Variants in ROBO1 observed in about 807,000 individuals in gnomAD.
The protein encoded by ROBO1 is roundabout guidance receptor 1.
Under a neutral mutation model 195.9 loss-of-function variants are expected in ROBO1, and 149 were observed. The ratio of observed to expected loss-of-function variants is 0.76; its 90% CI spans 0.67 to 0.87. The LOEUF (loss-of-function observed/expected upper bound fraction) is 0.87. Among genes scored for constraint, ROBO1 ranks in the 40% least tolerant of loss-of-function variants. The pLI is 0.00. For missense variants in ROBO1, 1,933 were observed against 2,068.3 expected, an observed-to-expected ratio of 0.93 and a Z score of 1.27; for synonymous variants, 816 against 733.2, an observed-to-expected ratio of 1.11 and a Z score of -1.82.
intron 8 of ROBO1, among the ~76,000 whole-genome samples, chr3:78,692,035 T>A (rs139889067): frequency 0.011 from 1,655 of 151,342 alleles, 34 homozygotes; most frequent in African/African-American, 0.037. Flanking sequence ...AATTATATAA[T>A]ATAGATTATA....
chr3:78,670,965 C>T (rs1468331506), intron 10 of ROBO1, among the ~76,000 whole-genome samples: 1 of 152,018 alleles, frequency 6.6e-6, no homozygotes, highest in Non-Finnish European at 1.5e-5. Context: ...TTTGGCTGAT[C>T]CAAAGAGACA....
intron 3 of ROBO1, among the ~76,000 whole-genome samples, chr3:79,112,770 C>T (rs748665041): frequency 4.5e-5 from 4 of 89,720 alleles, no homozygotes; most frequent in Admixed American, 3.7e-4. Context: ...TTGTGGGGTG[C>T]GGGGAGGGGG....
At chr3:78,810,945 A>G (rs902465426) in intron 4 of ROBO1, among the ~76,000 whole-genome samples, 10 of 152,208 alleles carry the variant, frequency 6.6e-5, no homozygotes. Context: ...AAGAAAAAGG[A>G]CAAAACTGGG....
chr3:79,550,195 G>GAAAGAAAGAAAGAAAGAAAGAAA, intron 2 of ROBO1, among the ~76,000 whole-genome samples: 18 of 100,836 alleles, frequency 1.8e-4, no homozygotes, highest in African/African-American at 7.0e-4. Flanking sequence ...AAGAAAGAAA[G>GAAAGAAAGAAAGAAAGAAAGAAA]GAAAAGAAAA....
rs576121237 is a variant in ROBO1 at position 79,722,725 on chromosome 3, A to G, written c.-51+45027T>C. Among the ~76,000 whole-genome samples the G allele has an allele frequency of 5.3e-5, 8 of 152,266 alleles. No individual in the cohort carries two copies. In the South Asian group the frequency reaches 1.2e-3, roughly 24 times the overall value. On this transcript the variant is annotated intron_variant, in intron 1 of 30. Transcript: ENST00000464233. ...GTGCAGCCTCCTATTCTTTACACTT[A>G]TTTAAAATTTGTATCTCCACTGTCA...
At chr3:79,644,920 TACAC>T (rs1945773768) in intron 1 of ROBO1, among the ~76,000 whole-genome samples, 1 of 151,992 alleles carries the variant, frequency 6.6e-6, no homozygotes, top group African/African-American at 2.4e-5. Flanking sequence ...TATAAGAAAT[TACAC>T]AAACACATGG....
At chr3:79,438,292 T>C (rs901291137) in intron 2 of ROBO1, among the ~76,000 whole-genome samples, 1 of 151,942 alleles carries the variant, frequency 6.6e-6, no homozygotes, top group African/African-American at 2.4e-5. Flanking sequence ...GGACTGTTGA[T>C]ACTGCCAACC....
intron 4 of ROBO1, among the ~76,000 whole-genome samples, chr3:78,808,201 T>A (rs1464980802): frequency 6.6e-6 from 1 of 152,118 alleles, no homozygotes; most frequent in Admixed American, 6.6e-5. Flanking sequence ...ATGAGAATTA[T>A]TTTATTTTAT....
rs1192529061 is a variant in ROBO1 at position 78,627,431 on chromosome 3, A to G, written c.3765T>C (p.Tyr1255=). 1.2e-6 allele frequency: 2 copies of G among 1,612,988 alleles called. No homozygotes were observed. Among genetic ancestry groups the G allele is most frequent in the Admixed American group, 1.7e-5 (1 of 59,898 alleles). The change falls in exon 26 of 31, where the codon TAT becomes TAC. Residue 1255 remains tyrosine (Y), a synonymous_variant. Transcript: ENST00000464233. ...TCAGAGTGGCAGTGGACTGATGGCT[A>G]TAGGACACGGCAGCTGGAGAAGAAG... The part of the protein sequence containing the change: ...GAASSPAAVS[Y]SHQSTATLTP...
At chr3:78,659,986 T>C in intron 16 of ROBO1, 179 bp from the exon 17 acceptor site, 1 of 370,140 alleles carries the variant, frequency 2.7e-6, no homozygotes, top group Non-Finnish European at 4.7e-6. Flanking sequence ...TGTGACATGA[T>C]CTCGGCTCAC....
chr3:78,643,690 T>C lies in ROBO1; in HGVS notation c.2882+2458A>G, dbSNP rs185044064. On this transcript the variant is annotated intron_variant, in intron 21 of 30. Coordinates refer to ENST00000464233, the MANE Select transcript of ROBO1 (RefSeq NM_002941.4). ...GATATTCTAAACATGATAGGTCCTA[T>C]TGATAATGGGATTTTCTGGAGCTCA... 2.0e-5 allele frequency among the ~76,000 whole-genome samples: 3 copies of C among 152,230 alleles called. No homozygotes were observed. In the East Asian group the frequency reaches 5.8e-4, roughly 29 times the overall value.
chr3:78,996,197 T>A (rs1404432260), intron 3 of ROBO1, among the ~76,000 whole-genome samples: 1 of 151,572 alleles, frequency 6.6e-6, no homozygotes, highest in Non-Finnish European at 1.5e-5. Flanking sequence ...CTCAAAACAA[T>A]CTCCCAAGCC....
At chr3:79,145,066 T>C (rs1274727856) in intron 2 of ROBO1, among the ~76,000 whole-genome samples, 3 of 151,974 alleles carry the variant, frequency 2.0e-5, no homozygotes, top group Non-Finnish European at 4.4e-5. Flanking sequence ...CCTTCAAATC[T>C]TTTATGTCAT....
chr3:79,584,636 TG>T lies in ROBO1; in HGVS notation c.88+5187del, dbSNP rs1261826103. Reference sequence around the variant, plus strand: ...GTGTGTGTGTGTGTGTGTGTGTGTGTGTATGTTCATACACACACACACACAT... The same window carrying T: ...GTGTGTGTGTGTGTGTGTGTGTGTGTTATGTTCATACACACACACACACAT... On this transcript the variant is annotated intron_variant, in intron 2 of 30. Coordinates refer to ENST00000464233, the MANE Select transcript of ROBO1 (RefSeq NM_002941.4). Among the ~76,000 whole-genome samples, 8 of 141,594 alleles carry T rather than the reference TG, an allele frequency of 5.6e-5. No individual in the cohort carries two copies. In the East Asian group the frequency reaches 1.6e-3, roughly 28 times the overall value. The allele number at this position is 141,594 out of a possible 152,430, so 92.9% of individuals were successfully genotyped here.
intron 2 of ROBO1, among the ~76,000 whole-genome samples, chr3:79,345,286 G>C (rs2035068520): frequency 6.6e-6 from 1 of 152,054 alleles, no homozygotes; most frequent in Admixed American, 6.6e-5. Flanking sequence ...AATTGTTTTT[G>C]ATTTCCATCT....
rs774823608 is a variant in ROBO1, at chr3:78,647,610, GGTAAGT to G, written c.2839+13_2839+18del. On this transcript the variant is annotated intron_variant, in intron 20 of 30. Coordinates refer to ENST00000464233, the MANE Select transcript of ROBO1 (RefSeq NM_002941.4). ...CCAAACTAACAATGGAAAGGAGGAG[GGTAAGT>G]GCAAATATATACCTGTTGGTGTGAA... is the stretch of plus-strand genomic sequence containing the variant. 14 of 1,607,328 alleles carry G rather than the reference GGTAAGT, an allele frequency of 8.7e-6. No individual in the cohort carries two copies. In the African/African-American group the frequency reaches 1.3e-4, roughly 15 times the overall value.
chr3:78,975,460 A>C (rs1433620609), intron 3 of ROBO1, among the ~76,000 whole-genome samples: 1 of 152,142 alleles, frequency 6.6e-6, no homozygotes, highest in African/African-American at 2.4e-5. Context: ...GGATAAAAAG[A>C]ATGAGAATTG....
At chr3:78,681,194 G>C (rs1050949206) in intron 10 of ROBO1, among the ~76,000 whole-genome samples, 1 of 151,488 alleles carries the variant, frequency 6.6e-6, no homozygotes, top group East Asian at 2.0e-4. Flanking sequence ...GGGGTGGGGG[G>C]AGTGGGGAGG....
intron 4 of ROBO1, among the ~76,000 whole-genome samples, chr3:78,852,881 G>A (rs909779372): frequency 1.3e-5 from 2 of 152,124 alleles, no homozygotes; most frequent in African/African-American, 4.8e-5. Context: ...GATGTATTGT[G>A]AGCTATTTGG....
Sources: gnomAD v4.1 joint callset for allele counts (sites outside exome capture counted in the v4.1 genomes callset) on GRCh38, gnomAD v4.1.1 for gene constraint, MANE v1.5 for transcripts, NCBI Gene and HGNC (gene_info 2026-07-23, HGNC 2026-07-21) for gene names.